Variants in CBLB observed in about 807,000 individuals in gnomAD.
The protein encoded by CBLB is Cbl proto-oncogene B.
CBLB carries 31 observed loss-of-function variants against 104.9 expected under a neutral mutation model. The ratio of observed to expected loss-of-function variants is 0.30; its 90% confidence interval spans 0.22 to 0.40. The LOEUF is 0.40. Among genes scored for constraint, CBLB ranks in the 10% least tolerant of loss-of-function variants. The probability of loss-of-function intolerance (pLI) is 1.00; values close to 1 mark genes in which losing one functional copy is unlikely to be tolerated. For missense variants in CBLB, 1,062 were observed against 1,214.6 expected (o/e 0.87, Z 1.87); for synonymous variants, 440 against 422.6 (o/e 1.04, Z -0.51).
At chr3:105,852,196 G>T (rs533264906) in intron 3 of CBLB, among the ~76,000 whole-genome samples, 1 of 152,096 alleles carries the variant, frequency 6.6e-6, no homozygotes, top group Non-Finnish European at 1.5e-5. Context: ...TATCACAGAT[G>T]ATAGCTCCAT....
Position 105,681,460 on chromosome 3 carries a change from C to A in CBLB, c.2428+19G>T. On this transcript the variant is annotated intron_variant, in intron 16 of 18. Coordinates refer to ENST00000394030, the MANE Select transcript of CBLB (RefSeq NM_170662.5). ...AGAAGGAGGGGTGGGTTGTTCAAAA[C>A]TTTTTTAAAGGTTTCAACCTAATGG... 6.2e-7 allele frequency: 1 copy of A among 1,613,574 alleles called. No individual in the cohort carries two copies. The highest frequency in any genetic ancestry group is 8.5e-7 in the Non-Finnish European group (1 of 1,179,630).
chr3:105,667,010 A>G (rs1242753735), intron 18 of CBLB, among the ~76,000 whole-genome samples: 1 of 152,232 alleles, frequency 6.6e-6, no homozygotes, highest in Admixed American at 6.5e-5. Flanking sequence ...CTTAACAGAG[A>G]TAAACTATTG....
intron 3 of CBLB, among the ~76,000 whole-genome samples, chr3:105,795,469 G>C (rs1254072202): frequency 6.6e-6 from 1 of 152,204 alleles, no homozygotes; most frequent in Non-Finnish European, 1.5e-5. Flanking sequence ...TATGTGGATA[G>C]ATATATGTTG....
At chr3:105,795,402 G>A (rs1467223846) in intron 3 of CBLB, among the ~76,000 whole-genome samples, 1 of 152,104 alleles carries the variant, frequency 6.6e-6, no homozygotes, top group Non-Finnish European at 1.5e-5. Flanking sequence ...CTAAGAAACA[G>A]ATACTTAGTT....
At position 105,761,163 on chromosome 3, in the gene CBLB, A is replaced by G. The variant is rs1273686961; in HGVS notation, c.567-9545T>C. Among the ~76,000 whole-genome samples the G allele has an allele frequency of 2.0e-5, 3 of 152,178 alleles. No individual in the cohort carries two copies. The Middle Eastern group carries it at 0.01, about 518-fold the overall frequency. ...TTCTGGTGCCTCAGCCTCGTTAAGT[A>G]GCTGGGATTAAAGTGTGCGCCACCA... is the stretch of plus-strand genomic sequence containing the variant. On this transcript the variant is annotated intron_variant, in intron 4 of 18. Coordinates refer to ENST00000394030, the MANE Select transcript of CBLB (RefSeq NM_170662.5).
intron 3 of CBLB, among the ~76,000 whole-genome samples, chr3:105,788,244 C>T (rs2081247484): frequency 6.6e-6 from 1 of 152,016 alleles, no homozygotes. Context: ...ATTATCCCGC[C>T]ACATAAATAA....
intron 4 of CBLB, among the ~76,000 whole-genome samples, chr3:105,756,688 C>A (rs1308352229): frequency 6.6e-6 from 1 of 152,138 alleles, no homozygotes; most frequent in Non-Finnish European, 1.5e-5. Context: ...AGTATGTACT[C>A]TTTACATTAA....
At chr3:105,664,999 A>T (rs1237854137) in intron 18 of CBLB, among the ~76,000 whole-genome samples, 1 of 152,170 alleles carries the variant, frequency 6.6e-6, no homozygotes, top group Admixed American at 6.6e-5. Context: ...ACAAATTTTT[A>T]AAAAACTGAA....
intron 13 of CBLB, among the ~76,000 whole-genome samples, chr3:105,686,622 C>T (rs532894771): frequency 1.3e-5 from 2 of 152,068 alleles, no homozygotes; most frequent in African/African-American, 4.8e-5. Flanking sequence ...GTGACCATTA[C>T]AAGAAGGCAT....
intron 4 of CBLB, among the ~76,000 whole-genome samples, chr3:105,775,376 AAAAC>A (rs1560185216): frequency 6.7e-6 from 1 of 149,080 alleles, no homozygotes; most frequent in African/African-American, 2.4e-5. Context: ...AACAAAAACA[AAAAC>A]AAAAACAAAC....
chr3:105,866,297 T>C (rs1189784490), intron 2 of CBLB, among the ~76,000 whole-genome samples: 1 of 152,230 alleles, frequency 6.6e-6, no homozygotes, highest in Non-Finnish European at 1.5e-5. Flanking sequence ...CTACTACTAC[T>C]GATAGTGGCT....
chr3:105,824,979 C>A (rs114739631), intron 3 of CBLB, among the ~76,000 whole-genome samples: 2 of 152,140 alleles, frequency 1.3e-5, no homozygotes, highest in African/African-American at 4.8e-5. Flanking sequence ...ACTATAAAGG[C>A]ATCTCTCCTT....
At chr3:105,773,307 G>A (rs1332190367) in intron 4 of CBLB, among the ~76,000 whole-genome samples, 3 of 152,148 alleles carry the variant, frequency 2.0e-5, no homozygotes, top group Non-Finnish European at 4.4e-5. Context: ...AATATCGTAT[G>A]TTCTCACTTA....
chr3:105,781,114 T>C (rs1421563422), intron 3 of CBLB, among the ~76,000 whole-genome samples: 19 of 152,166 alleles, frequency 1.2e-4, no homozygotes, highest in Admixed American at 1.2e-3. Context: ...GGAGAAGAGC[T>C]ACATTAAAAA....
rs545114181 is a variant in CBLB, at chr3:105,727,959, T to C, written c.1203+6050A>G. ...TGGTTACTGTAGCCTTGCAGTATAGTTTGAAGTCAGGTAGCGTGATGCCTC... is the reference window on the plus strand; with the variant it reads ...TGGTTACTGTAGCCTTGCAGTATAGCTTGAAGTCAGGTAGCGTGATGCCTC... On this transcript the variant is annotated intron_variant, in intron 9 of 18. Coordinates refer to ENST00000394030, the MANE Select transcript of CBLB (RefSeq NM_170662.5). 2.0e-5 allele frequency among the ~76,000 whole-genome samples: 3 copies of C among 152,324 alleles called. No individual in the cohort carries two copies. In the East Asian group the frequency reaches 5.8e-4, roughly 29 times the overall value.
At chr3:105,660,831 T>C (rs1188184888) in intron 18 of CBLB, among the ~76,000 whole-genome samples, 1 of 145,002 alleles carries the variant, frequency 6.9e-6, no homozygotes, top group East Asian at 2.0e-4. Context: ...AAAAGATGTA[T>C]GATATTTTTC....
At chr3:105,821,419 C>A (rs968851189) in intron 3 of CBLB, among the ~76,000 whole-genome samples, 21 of 152,108 alleles carry the variant, frequency 1.4e-4, no homozygotes, top group Non-Finnish European at 2.2e-4. Flanking sequence ...CTAATCAGTC[C>A]TTTCTAGTCC....
chr3:105,799,419 T>C (rs991713743), intron 3 of CBLB, among the ~76,000 whole-genome samples: 4 of 152,160 alleles, frequency 2.6e-5, no homozygotes, highest in African/African-American at 9.7e-5. Flanking sequence ...ATTTGTTAAA[T>C]AGATGAGGCA....
chr3:105,763,410 A>G (rs2077870103), intron 4 of CBLB, among the ~76,000 whole-genome samples: 1 of 152,216 alleles, frequency 6.6e-6, no homozygotes, highest in Non-Finnish European at 1.5e-5. Context: ...GTTAGCTCCC[A>G]TAATTCCCAC....
Sources: gnomAD v4.1 joint callset for allele counts (sites outside exome capture counted in the v4.1 genomes callset) on GRCh38, gnomAD v4.1.1 for gene constraint, MANE v1.5 for transcripts, NCBI Gene and HGNC (gene_info 2026-07-23, HGNC 2026-07-21) for gene names.